Variants in MSRA observed in about 807,000 individuals in gnomAD.
MSRA encodes the protein methionine sulfoxide reductase A.
A neutral mutation model predicts 31.3 loss-of-function variants in MSRA; 54 were observed. That is an observed-to-expected ratio of 1.73 (90% CI 1.39 to 2.17). The LOEUF (loss-of-function observed/expected upper bound fraction) is 2.17. Ranked by LOEUF, MSRA falls within the 30% of genes most tolerant of loss-of-function variation. The pLI, the probability that MSRA is intolerant of heterozygous loss-of-function variation, is 0.00. For synonymous variants in MSRA, 169 were observed against 116.5 expected, an observed-to-expected ratio of 1.45 and a Z score of -2.90; for missense variants, 507 against 300.9, an observed-to-expected ratio of 1.69 and a Z score of -5.07.
intron 5 of MSRA, among the ~76,000 whole-genome samples, chr8:10,328,052 TAG>T (rs71538073): frequency 0.092 from 11,205 of 121,492 alleles, 729 homozygotes; most frequent in Non-Finnish European, 0.11. Flanking sequence ...TTTTTTTTTT[TAG>T]TATCAGTGAC....
In MSRA at chr8:10,299,354, CTTAT is replaced by C. The variant is rs538190136; in HGVS notation, c.332-2176_332-2173del. Reference sequence around the variant, plus strand: ...TTTTAATGCTTATGTAGTTGAATCACTTATTTAAACATTTCAAATTACAAAATAA... The same window carrying C: ...TTTTAATGCTTATGTAGTTGAATCACTTAAACATTTCAAATTACAAAATAA... On this transcript the variant is annotated intron_variant, in intron 3 of 5. Transcript: ENST00000317173. Among the ~76,000 whole-genome samples, 435 of 152,134 alleles carry C rather than the reference CTTAT, an allele frequency of 2.9e-3. 2 individuals are homozygous for C. The highest frequency in any genetic ancestry group is 0.011 in the South Asian group (53 of 4,820).
At chr8:10,233,501 A>G (rs2975730) in intron 2 of MSRA, among the ~76,000 whole-genome samples, 15,008 of 152,284 alleles carry the variant, frequency 0.099, 845 homozygotes, top group East Asian at 0.2. Flanking sequence ...AAAATAGGCA[A>G]AATAAAAGAA....
intron 5 of MSRA, among the ~76,000 whole-genome samples, chr8:10,346,346 A>G (rs984649134): frequency 5.3e-5 from 8 of 152,130 alleles, no homozygotes; most frequent in African/African-American, 1.9e-4. Context: ...CATGGCTTAT[A>G]AGGTCCTCTC....
At chr8:10,310,672 G>C (rs191536178) in intron 4 of MSRA, among the ~76,000 whole-genome samples, 40 of 152,316 alleles carry the variant, frequency 2.6e-4, no homozygotes, top group African/African-American at 9.4e-4. Flanking sequence ...GGAACAGAAA[G>C]GCCCAGTGAG....
chr8:10,084,554 C>T (rs1052500688), intron 1 of MSRA, among the ~76,000 whole-genome samples: 1 of 152,204 alleles, frequency 6.6e-6, no homozygotes, highest in African/African-American at 2.4e-5. Flanking sequence ...TAGTCCCAAC[C>T]CTGAAATTTA....
At chr8:10,102,230 G>A (rs73528929) in intron 1 of MSRA, among the ~76,000 whole-genome samples, 8,844 of 152,194 alleles carry the variant, frequency 0.058, 406 homozygotes, top group African/African-American at 0.13. Flanking sequence ...TTCCCCAGGT[G>A]TGCCCTCTTT....
intron 5 of MSRA, among the ~76,000 whole-genome samples, chr8:10,425,527 G>C (rs1195476235): frequency 6.6e-6 from 1 of 152,254 alleles, no homozygotes; most frequent in Non-Finnish European, 1.5e-5. Context: ...GAATCTTCTG[G>C]AGACCGCAGC....
chr8:10,186,899 A>G (rs1322903732), intron 1 of MSRA, among the ~76,000 whole-genome samples: 1 of 152,164 alleles, frequency 6.6e-6, no homozygotes, highest in Admixed American at 6.5e-5. Flanking sequence ...GGTTTTTGTA[A>G]AAATACCAGC....
intron 1 of MSRA, among the ~76,000 whole-genome samples, chr8:10,098,644 A>G (rs1799332177): frequency 6.6e-6 from 1 of 152,236 alleles, no homozygotes; most frequent in Non-Finnish European, 1.5e-5. Flanking sequence ...TGCACAATAC[A>G]CATATTGTAG....
At chr8:10,059,835 C>A (rs1332755643) in intron 1 of MSRA, among the ~76,000 whole-genome samples, 1 of 152,188 alleles carries the variant, frequency 6.6e-6, no homozygotes, top group Non-Finnish European at 1.5e-5. Flanking sequence ...TATGAACAGA[C>A]CGTTTACAGA....
At chr8:10,288,173 A>G (rs888220930) in intron 3 of MSRA, among the ~76,000 whole-genome samples, 8 of 152,204 alleles carry the variant, frequency 5.3e-5, no homozygotes, top group African/African-American at 1.9e-4. Flanking sequence ...ACTGTTTTTC[A>G]GGCTTTAAAA....
chr8:10,292,782 C>G (rs557672658), intron 3 of MSRA, among the ~76,000 whole-genome samples: 1 of 152,258 alleles, frequency 6.6e-6, no homozygotes, highest in South Asian at 2.1e-4. Context: ...GACAGCAGGA[C>G]CTGGGGTGAC....
chr8:10,238,857 TA>T (rs1812166593), intron 2 of MSRA, among the ~76,000 whole-genome samples: 1 of 152,106 alleles, frequency 6.6e-6, no homozygotes, highest in Admixed American at 6.5e-5. Flanking sequence ...GGACTTCTTA[TA>T]CAAGGTACAG....
intron 2 of MSRA, among the ~76,000 whole-genome samples, chr8:10,235,945 T>A (rs1283220245): frequency 2.0e-5 from 3 of 152,208 alleles, no homozygotes; most frequent in African/African-American, 7.2e-5. Flanking sequence ...TAAAATGCTC[T>A]ATGAGTAGGT....
chr8:10,415,833 C>T (rs367675935), intron 5 of MSRA, among the ~76,000 whole-genome samples: 1 of 151,914 alleles, frequency 6.6e-6, no homozygotes, highest in African/African-American at 2.4e-5. Context: ...CTCCTGCCTA[C>T]TGTCAAATTC....
At chr8:10,078,716 T>G (rs1307933880) in intron 1 of MSRA, among the ~76,000 whole-genome samples, 1 of 152,216 alleles carries the variant, frequency 6.6e-6, no homozygotes, top group Non-Finnish European at 1.5e-5. Context: ...CTATAACCAT[T>G]TTTCTGCCCT....
At chr8:10,189,069 G>A (rs1042143542) in intron 1 of MSRA, among the ~76,000 whole-genome samples, 1 of 152,130 alleles carries the variant, frequency 6.6e-6, no homozygotes, top group Admixed American at 6.5e-5. Context: ...TCAGGGTACA[G>A]ACCTTACTGA....
At chr8:10,322,292 C>G (rs571544162) in intron 5 of MSRA, among the ~76,000 whole-genome samples, 107 of 149,534 alleles carry the variant, frequency 7.2e-4, no homozygotes, top group Non-Finnish European at 1.0e-3. Context: ...AGAAGTAAGA[C>G]TGGATGCAGG....
chr8:10,352,340 G>A (rs965195917), intron 5 of MSRA, among the ~76,000 whole-genome samples: 3 of 152,166 alleles, frequency 2.0e-5, no homozygotes, highest in Non-Finnish European at 2.9e-5. Context: ...TATGAGAAAT[G>A]TTTTTGCTGG....
Sources: gnomAD v4.1 joint callset for allele counts (sites outside exome capture counted in the v4.1 genomes callset) on GRCh38, gnomAD v4.1.1 for gene constraint, MANE v1.5 for transcripts, NCBI Gene and HGNC (gene_info 2026-07-23, HGNC 2026-07-21) for gene names.